The following NELL2 variants were observed in gnomAD, a reference collection of about 807,000 sequenced individuals.
NELL2 encodes protein kinase C-binding protein NELL2.
NELL2 carries 41 observed loss-of-function variants against 109.6 expected under a neutral mutation model. That is an observed-to-expected ratio of 0.37 (90% CI 0.29 to 0.49). The LOEUF is 0.49. Among genes scored for constraint, NELL2 ranks in the 20% least tolerant of loss-of-function variants. The pLI, the probability that NELL2 is intolerant of heterozygous loss-of-function variation, is 0.98. For synonymous variants in NELL2, 355 were observed against 344.7 expected (o/e 1.03, Z -0.33); for missense variants, 900 against 1,008.3 (o/e 0.89, Z 1.45).
In NELL2 at chr12:44,779,729, G is replaced by A. The variant is rs1941883972; in HGVS notation, c.540C>T (p.Ser180=). The change falls in exon 5 of 20, where the codon TCC becomes TCT. Residue 180 remains serine (S), a synonymous_variant. Transcript: ENST00000429094. ...ATGTTGTGCCTAGAGGCAAGTCTGT[G>A]GAGGGCTTTTCTACTACCCTTTCAT... The part of the protein sequence containing the change: ...KIYERVVEKP[S]TDLPLGTTFW... The A allele has an allele frequency of 6.2e-7, 1 of 1,613,960 alleles. No individual in the cohort carries two copies. Among genetic ancestry groups the A allele is most frequent in the Non-Finnish European group, 8.5e-7 (1 of 1,179,868 alleles).
chr12:44,798,600 T>G (rs953672321), intron 3 of NELL2, among the ~76,000 whole-genome samples: 1 of 152,038 alleles, frequency 6.6e-6, no homozygotes. Context: ...TTAATGAAAT[T>G]CCAAACAAAA....
chr12:44,721,157 C>T (rs1165583698), intron 9 of NELL2, among the ~76,000 whole-genome samples: 1 of 152,198 alleles, frequency 6.6e-6, no homozygotes, highest in African/African-American at 2.4e-5. Context: ...AGAGATTCAG[C>T]ATTTTTGACT....
At chr12:44,617,691 CAAAAA>C (rs975070930) in intron 13 of NELL2, among the ~76,000 whole-genome samples, 4 of 22,388 alleles carry the variant, frequency 1.8e-4, no homozygotes, top group African/African-American at 3.1e-4. Flanking sequence ...GACTCCGTCT[CAAAAA>C]AAAAAAAAAA....
chr12:44,781,318 G>A (rs1941949959), intron 3 of NELL2, among the ~76,000 whole-genome samples: 1 of 151,422 alleles, frequency 6.6e-6, no homozygotes, highest in African/African-American at 2.4e-5. Context: ...TTATCTGGAA[G>A]ACAGAAAAAA....
chr12:44,663,898 AC>A (rs1947834217), intron 13 of NELL2, among the ~76,000 whole-genome samples: 1 of 152,186 alleles, frequency 6.6e-6, no homozygotes, highest in Non-Finnish European at 1.5e-5. Context: ...TATAACAAAA[AC>A]AAAGAGAATC....
At chr12:44,584,023 C>T (rs1944415594) in intron 15 of NELL2, among the ~76,000 whole-genome samples, 1 of 152,224 alleles carries the variant, frequency 6.6e-6, no homozygotes, top group Non-Finnish European at 1.5e-5. Flanking sequence ...ATCCGCCCAC[C>T]TTGGCCTCCA....
intron 3 of NELL2, among the ~76,000 whole-genome samples, chr12:44,804,965 C>T (rs1236922943): frequency 1.3e-5 from 2 of 151,710 alleles, no homozygotes; most frequent in African/African-American, 4.8e-5. Flanking sequence ...TCTAGTAATA[C>T]GTCAACTTAA....
chr12:44,718,294 CACAATGGCTACA>C (rs1383598967), intron 9 of NELL2, among the ~76,000 whole-genome samples: 6 of 152,182 alleles, frequency 3.9e-5, no homozygotes, highest in Admixed American at 3.9e-4. Flanking sequence ...CGCTGGCTAC[CACAATGGCTACA>C]GGACCGTCCC....
chr12:44,876,940 C>CGGCGCGGAGAGCTTCCCG, upstream of NELL2: 1 of 1,201,452 alleles, frequency 8.3e-7, no homozygotes, highest in Non-Finnish European at 1.0e-6. Flanking sequence ...AGAGCTTCCC[C>CGGCGCGGAGAGCTTCCCG]GGCGCGGAGA....
At chr12:44,802,630 A>G (rs1044896308) in intron 3 of NELL2, among the ~76,000 whole-genome samples, 15 of 152,236 alleles carry the variant, frequency 9.9e-5, no homozygotes, top group Admixed American at 7.2e-4. Flanking sequence ...GAAAAAATAT[A>G]GCATTTAATT....
intron 15 of NELL2, among the ~76,000 whole-genome samples, chr12:44,533,245 T>C (rs139039953): frequency 6.6e-6 from 1 of 152,282 alleles, no homozygotes; most frequent in Non-Finnish European, 1.5e-5. Flanking sequence ...CTGGGACACA[T>C]TCCTTACTTA....
At chr12:44,773,705 A>G (rs1592504840) in intron 9 of NELL2, among the ~76,000 whole-genome samples, 1 of 152,182 alleles carries the variant, frequency 6.6e-6, no homozygotes, top group East Asian at 1.9e-4. Context: ...ATTGTATTCA[A>G]TCCTTCCTAG....
intron 2 of NELL2, among the ~76,000 whole-genome samples, chr12:44,844,605 T>C (rs1490107290): frequency 6.6e-6 from 1 of 152,218 alleles, no homozygotes; most frequent in Non-Finnish European, 1.5e-5. Flanking sequence ...ATGAGAAATG[T>C]TGGAGTACCA....
intron 3 of NELL2, among the ~76,000 whole-genome samples, chr12:44,813,346 A>C (rs1943240255): frequency 6.6e-6 from 1 of 152,222 alleles, no homozygotes; most frequent in South Asian, 2.1e-4. Flanking sequence ...TCATAGAATG[A>C]TATACTATAT....
intron 1 of NELL2, among the ~76,000 whole-genome samples, chr12:44,902,906 G>A (rs539919353): frequency 3.9e-5 from 6 of 152,250 alleles, no homozygotes; most frequent in Non-Finnish European, 7.4e-5. Flanking sequence ...ATTAACTCTG[G>A]ATGGATTAAA....
At chr12:44,628,302 TC>T (rs1450595993) in intron 13 of NELL2, among the ~76,000 whole-genome samples, 1 of 152,184 alleles carries the variant, frequency 6.6e-6, no homozygotes, top group Non-Finnish European at 1.5e-5. Flanking sequence ...TTTCTGAATT[TC>T]TTAGACTTTG....
chr12:44,908,703 T>C (rs1425680157), intron 1 of NELL2, among the ~76,000 whole-genome samples: 2 of 151,958 alleles, frequency 1.3e-5, no homozygotes, highest in Non-Finnish European at 2.9e-5. Flanking sequence ...ATTCAACAGG[T>C]AGTCTAAAGT....
intron 15 of NELL2, among the ~76,000 whole-genome samples, chr12:44,536,146 C>T (rs865839881): frequency 4.6e-5 from 7 of 151,904 alleles, no homozygotes; most frequent in South Asian, 2.1e-4. Context: ...ATGTTTTTTT[C>T]GCTCATGACT....
At chr12:44,593,713 C>G (rs1345658080) in intron 15 of NELL2, among the ~76,000 whole-genome samples, 1 of 152,166 alleles carries the variant, frequency 6.6e-6, no homozygotes, top group Non-Finnish European at 1.5e-5. Context: ...ACACTCCCAT[C>G]AACAGTGTAA....
Sources: gnomAD v4.1 joint callset for allele counts (sites outside exome capture counted in the v4.1 genomes callset) on GRCh38, gnomAD v4.1.1 for gene constraint, MANE v1.5 for transcripts, NCBI Gene and HGNC (gene_info 2026-07-23, HGNC 2026-07-21) for gene names.